The following CFAP58 variants were observed in gnomAD, a reference collection of about 807,000 sequenced individuals.
CFAP58 encodes cilia- and flagella-associated protein 58.
CFAP58 carries 88 observed loss-of-function variants against 119.5 expected under a neutral mutation model. The ratio of observed to expected loss-of-function variants is 0.74; its 90% CI spans 0.62 to 0.88. CFAP58 has a LOEUF of 0.88. CFAP58 is among the 40% of genes least tolerant of loss of function. CFAP58 has a pLI of 0.00. For missense variants in CFAP58, 990 were observed against 1,021.2 expected, an observed-to-expected ratio of 0.97 and a Z score of 0.42; for synonymous variants, 365 against 366.3, an observed-to-expected ratio of 1.00 and a Z score of 0.04.
chr10:104,357,818 CATAT>C (rs1491533005), intron 1 of CFAP58, among the ~76,000 whole-genome samples: 3 of 145,658 alleles, frequency 2.1e-5, no homozygotes, highest in Admixed American at 6.8e-5. Flanking sequence ...TATATATGTA[CATAT>C]ATACACATAT....
At chr10:104,357,964 T>C (rs1018083583) in intron 1 of CFAP58, among the ~76,000 whole-genome samples, 5 of 105,810 alleles carry the variant, frequency 4.7e-5, no homozygotes, top group African/African-American at 2.0e-4. Flanking sequence ...TACACATATA[T>C]GTACACATAT....
chr10:104,429,342 C>T (rs1589933121), intron 15 of CFAP58, among the ~76,000 whole-genome samples: 1 of 152,050 alleles, frequency 6.6e-6, no homozygotes, highest in South Asian at 2.1e-4. Context: ...AAGGAGTGAG[C>T]GAGCCTGCAT....
At chr10:104,366,125 T>C in intron 5 of CFAP58, 117 bp downstream of exon 5, 1 of 911,684 alleles carries the variant, frequency 1.1e-6, no homozygotes, top group Middle Eastern at 3.5e-4. Context: ...TCACTACTCG[T>C]GCTGATGATG....
upstream of CFAP58, among the ~76,000 whole-genome samples, chr10:104,349,626 CA>C (rs1564872375): frequency 6.6e-6 from 1 of 152,182 alleles, no homozygotes; most frequent in African/African-American, 2.4e-5. Context: ...CCAGTGGAGA[CA>C]GGGGTGAAGA....
chr10:104,356,458 GC>G (rs977932250), intron 1 of CFAP58, among the ~76,000 whole-genome samples: 5 of 152,156 alleles, frequency 3.3e-5, no homozygotes, highest in African/African-American at 1.2e-4. Flanking sequence ...TGATGCCAAG[GC>G]CCTTTGTAGA....
intron 15 of CFAP58, among the ~76,000 whole-genome samples, chr10:104,439,997 CT>C (rs947208407): frequency 6.6e-6 from 1 of 151,964 alleles, no homozygotes; most frequent in African/African-American, 2.4e-5. Context: ...TTTTTTGTAT[CT>C]TTTTTAGTAG....
chr10:104,360,491 A>G (rs543195660), intron 2 of CFAP58, among the ~76,000 whole-genome samples: 1 of 152,176 alleles, frequency 6.6e-6, no homozygotes, highest in African/African-American at 2.4e-5. Context: ...TTTTTAAAAA[A>G]AACTTTTAAG....
chr10:104,378,304 A>G (rs2011710449), intron 8 of CFAP58, among the ~76,000 whole-genome samples: 1 of 152,242 alleles, frequency 6.6e-6, no homozygotes, highest in Admixed American at 6.5e-5. Flanking sequence ...TTTTAGTGTC[A>G]TGTGGAAGTG....
At chr10:104,419,847 T>C (rs1339445822) in intron 15 of CFAP58, among the ~76,000 whole-genome samples, 1 of 152,126 alleles carries the variant, frequency 6.6e-6, no homozygotes, top group African/African-American at 2.4e-5. Flanking sequence ...TCCTTTTTGG[T>C]TTTCGTGTTA....
Position 104,392,328 on chromosome 10 carries a change from A to G in CFAP58, c.1461A>G (p.Gln487=), listed in dbSNP as rs2012063259. Residue 487 remains glutamine, a synonymous_variant, in exon 10 of 18, where the codon CAA becomes CAG. Transcript: ENST00000369704. ...AATCAGAGATTAAATTAAAACAGCAACAGAACCTATATGAAGCTGTGAGAT... is the reference window on the plus strand; with the variant it reads ...AATCAGAGATTAAATTAAAACAGCAGCAGAACCTATATGAAGCTGTGAGAT... ...IAESEIKLKQ[Q]QNLYEAVRSD... is the part of the protein sequence containing the mutation. 1 of 1,612,944 alleles carries G rather than the reference A, an allele frequency of 6.2e-7. No homozygotes were observed. Among genetic ancestry groups the G allele is most frequent in the Admixed American group, 1.7e-5 (1 of 59,864 alleles).
chr10:104,395,373 A>G (rs2012129353), intron 11 of CFAP58, among the ~76,000 whole-genome samples: 1 of 152,236 alleles, frequency 6.6e-6, no homozygotes, highest in Non-Finnish European at 1.5e-5. Flanking sequence ...GGAGAATCCC[A>G]GGTCTGGATG....
intron 7 of CFAP58, among the ~76,000 whole-genome samples, chr10:104,376,371 G>A (rs1230142512): frequency 2.6e-5 from 4 of 151,796 alleles, no homozygotes; most frequent in Non-Finnish European, 4.4e-5. Flanking sequence ...GGGCATGGTG[G>A]TGCTGCACCT....
Position 104,382,428 on chromosome 10 carries a change from C to G in CFAP58, c.1365+2208C>G, listed in dbSNP as rs115798372. On this transcript the variant is annotated intron_variant, in intron 9 of 17. Coordinates refer to ENST00000369704, the MANE Select transcript of CFAP58 (RefSeq NM_001008723.2). ...TCTCCATTCCGAGGTGCCATCACAC[C>G]ACCATCAGAGCTAACTCTCAAAAAT... 5 of 497,638 alleles carry G rather than the reference C, an allele frequency of 1.0e-5. No individual in the cohort carries two copies. The Admixed American group carries it at 1.6e-4, about 16-fold the overall frequency. 30.8% of individuals were successfully genotyped at this position (497,638 alleles called of 1,614,324 possible). A position where few individuals can be genotyped will look rare whatever the true frequency, so the allele number is the denominator to read the frequency against.
intron 15 of CFAP58, among the ~76,000 whole-genome samples, chr10:104,433,610 A>T (rs1453561237): frequency 2.0e-5 from 3 of 152,192 alleles, no homozygotes; most frequent in Non-Finnish European, 4.4e-5. Flanking sequence ...CAGAGCCAGG[A>T]TGGAGCCCTC....
At chr10:104,429,036 T>C (rs2012799688) in intron 15 of CFAP58, among the ~76,000 whole-genome samples, 1 of 152,140 alleles carries the variant, frequency 6.6e-6, no homozygotes, top group Non-Finnish European at 1.5e-5. Flanking sequence ...TCCATTGATT[T>C]TGTTGAATTC....
intron 8 of CFAP58, among the ~76,000 whole-genome samples, chr10:104,377,114 G>A (rs1005250351): frequency 6.6e-6 from 1 of 152,226 alleles, no homozygotes; most frequent in African/African-American, 2.4e-5. Context: ...AAAGACTTTG[G>A]AGAATTAGCA....
At chr10:104,367,900 CTT>C (rs1291502332) in intron 5 of CFAP58, among the ~76,000 whole-genome samples, 1 of 152,216 alleles carries the variant, frequency 6.6e-6, no homozygotes, top group African/African-American at 2.4e-5. Context: ...ATATAAATCA[CTT>C]TGCTGCTGTT....
chr10:104,408,520 G>A (rs2012402633), intron 15 of CFAP58, among the ~76,000 whole-genome samples: 1 of 152,176 alleles, frequency 6.6e-6, no homozygotes, highest in South Asian at 2.1e-4. Context: ...GCTAGGGTGG[G>A]ACTTGGTCCC....
rs534116020 is a variant in CFAP58 at position 104,453,788 on chromosome 10, G to C, written c.2511-634G>C. Among the ~76,000 whole-genome samples, 17 of 151,762 alleles carry C rather than the reference G, an allele frequency of 1.1e-4. No homozygotes were observed. The East Asian group carries it at 2.5e-3, about 23-fold the overall frequency. ...TGTGTGTGTGTGTGTGTGTGTGTGT[G>C]TGTGTGTGTATTTAAAGGACATCTA... is the stretch of plus-strand genomic sequence containing the variant. On this transcript the variant is annotated intron_variant, in intron 17 of 17. Coordinates refer to ENST00000369704, the MANE Select transcript of CFAP58 (RefSeq NM_001008723.2).
Sources: gnomAD v4.1 joint callset for allele counts (sites outside exome capture counted in the v4.1 genomes callset) on GRCh38, gnomAD v4.1.1 for gene constraint, MANE v1.5 for transcripts, NCBI Gene and HGNC (gene_info 2026-07-23, HGNC 2026-07-21) for gene names.